HHIPL1: variants seen among roughly 807,000 people sequenced by gnomAD.
HHIPL1 encodes the protein HHIP like 1.
A neutral mutation model predicts 61.8 loss-of-function variants in HHIPL1; 43 were observed. The observed-to-expected ratio is 0.70, with a 90% CI of 0.55 to 0.90. The LOEUF (loss-of-function observed/expected upper bound fraction) is 0.90, where lower values mean the gene tolerates loss of function less well. Among genes scored for constraint, HHIPL1 ranks in the 40% least tolerant of loss-of-function variants. The pLI, the probability that HHIPL1 is intolerant of heterozygous loss-of-function variation, is 0.00. For missense variants in HHIPL1, 1,056 were observed against 1,157.7 expected, an observed-to-expected ratio of 0.91 and a Z score of 1.28; for synonymous variants, 482 against 515.8, an observed-to-expected ratio of 0.93 and a Z score of 0.89.
chr14:99,653,792 G>A (rs911479063), intron 2 of HHIPL1, among the ~76,000 whole-genome samples: 4 of 152,204 alleles, frequency 2.6e-5, no homozygotes, highest in African/African-American at 4.8e-5. Flanking sequence ...GACCTTGCAC[G>A]TGGGGCACAT....
At chr14:99,640,973 G>A (rs1451872611), upstream of HHIPL1, among the ~76,000 whole-genome samples, 2 of 131,130 alleles carry the variant, frequency 1.5e-5, no homozygotes, top group African/African-American at 5.8e-5. Flanking sequence ...TGCAAGCTCC[G>A]CCTCCCAGTT....
upstream of HHIPL1, among the ~76,000 whole-genome samples, chr14:99,643,449 A>G (rs1265658423): frequency 6.6e-6 from 1 of 151,974 alleles, no homozygotes; most frequent in Non-Finnish European, 1.5e-5. Flanking sequence ...TAGGGTGAGG[A>G]TTTATGTTAC....
At position 99,668,777 on chromosome 14, in the gene HHIPL1, G is replaced by A. The variant is rs2056289414; in HGVS notation, c.1730+474G>A. On this transcript the variant is annotated intron_variant, in intron 7 of 8. Transcript: ENST00000330710. This position sits in a 1 kb window ranked among gnomAD's most constrained non-coding sequence, Gnocchi z 4.7. ...CCTCCTGTGGTCCATCTTCCACTGG[G>A]GAAAACACATTGGGGCTCCCTTCGC... The A allele has an allele frequency of 4.4e-6, 7 of 1,604,194 alleles. No homozygotes were observed. The highest frequency in any genetic ancestry group is 5.9e-6 in the Non-Finnish European group (7 of 1,177,378).
rs146699172 is a variant in HHIPL1, at chr14:99,652,273, C to A, written c.305C>A (p.Thr102Lys). The change falls in exon 2 of 9, where the codon ACG (threonine) becomes AAG (lysine). Residue 102 changes from threonine to lysine, a missense_variant. Coordinates refer to ENST00000330710, the MANE Select transcript of HHIPL1 (RefSeq NM_001127258.3). ...CTCTATGACGCCGAGGACCCATTCA[C>A]GCCCCTGCGCACGGTGCCCGGGCTC... ...AHLYDAEDPF[T>K]PLRTVPGLCQ... The A allele has an allele frequency of 6.2e-7, 1 of 1,613,490 alleles. No individual in the cohort carries two copies. Among genetic ancestry groups the A allele is most frequent in the East Asian group, 2.2e-5 (1 of 44,878 alleles).
intron 3 of HHIPL1, among the ~76,000 whole-genome samples, chr14:99,657,886 CACATCCACAT>C (rs1331800673): frequency 6.6e-6 from 1 of 151,828 alleles, no homozygotes; most frequent in African/African-American, 2.4e-5. Flanking sequence ...CACATCCACA[CACATCCACAT>C]ACATCCACAT....
At chr14:99,618,396 G>A in the HHIPL1 span, among the ~76,000 whole-genome samples, 1 of 152,230 alleles carries the variant, frequency 6.6e-6, no homozygotes, top group Non-Finnish European at 1.5e-5. Context: ...TGGAGATACT[G>A]AGCCCCATTA....
chr14:99,675,657 C>T lies in HHIPL1; in HGVS notation c.*31C>T, dbSNP rs1464928812. 1.1e-5 allele frequency: 16 copies of T among 1,474,714 alleles called. No homozygotes were observed. Among genetic ancestry groups the T allele is most frequent in the South Asian group, 2.7e-5 (2 of 74,598 alleles). 91.4% of individuals were successfully genotyped at this position (1,474,714 alleles called of 1,614,324 possible). A position where few individuals can be genotyped will look rare whatever the true frequency, so the allele number is the denominator to read the frequency against. ...ACGCCGCTGCCCCAGGCCATCCCGC[C>T]GGCGGGGGAGCCTGGCAGGGGCCGC... On this transcript the variant is annotated 3_prime_UTR_variant, in exon 9 of 9. Coordinates refer to ENST00000330710, the MANE Select transcript of HHIPL1 (RefSeq NM_001127258.3). This position sits in a 1 kb window ranked among gnomAD's most constrained non-coding sequence, Gnocchi z 5.4.
chr14:99,665,721 A>T (rs2056233907), intron 6 of HHIPL1, among the ~76,000 whole-genome samples: 1 of 152,244 alleles, frequency 6.6e-6, no homozygotes, highest in African/African-American at 2.4e-5. Context: ...GGCATGAGCC[A>T]CCATATCTGA....
the HHIPL1 span, among the ~76,000 whole-genome samples, chr14:99,618,309 C>G: frequency 1.3e-5 from 2 of 152,168 alleles, no homozygotes; most frequent in African/African-American, 4.8e-5. Flanking sequence ...TGGGAAGTGG[C>G]CAGGCTGCCT....
In HHIPL1 at chr14:99,680,167, TCTC is replaced by T. The variant is rs2056426520; in HGVS notation, c.*4544_*4546del. Reference sequence around the variant, plus strand: ...GCCCATTCTCCCAGAGCCGGATCCTTCTCCTTCCCTGGGATACAGCACCTCCAC... The same window carrying T: ...GCCCATTCTCCCAGAGCCGGATCCTTCTTCCCTGGGATACAGCACCTCCAC... On this transcript the variant is annotated 3_prime_UTR_variant, in exon 9 of 9. Transcript: ENST00000330710. The T allele has an allele frequency of 6.6e-6, 1 of 152,166 alleles. No individual in the cohort carries two copies. The highest frequency in any genetic ancestry group is 1.5e-5 in the Non-Finnish European group (1 of 68,066). The allele number at this position is 152,166 out of a possible 1,614,324, so 9.4% of individuals were successfully genotyped here.
In HHIPL1 at chr14:99,652,886, A is replaced by T; in HGVS notation, c.902+16A>T. On this transcript the variant is annotated intron_variant, in intron 2 of 8. Coordinates refer to ENST00000330710, the MANE Select transcript of HHIPL1 (RefSeq NM_001127258.3). ...GCTCTGAGAGGTGGCTTCCTTGGGGAACCCGGGCCTGGGTGGGGGCAGGCA... is the reference window on the plus strand; with the variant it reads ...GCTCTGAGAGGTGGCTTCCTTGGGGTACCCGGGCCTGGGTGGGGGCAGGCA... The T allele has an allele frequency of 6.2e-7, 1 of 1,606,964 alleles. No homozygotes were observed. Among genetic ancestry groups the T allele is most frequent in the Non-Finnish European group, 8.5e-7 (1 of 1,175,888 alleles).
chr14:99,642,008 C>T (rs1285406751), upstream of HHIPL1, among the ~76,000 whole-genome samples: 1 of 150,490 alleles, frequency 6.6e-6, no homozygotes, highest in African/African-American at 2.5e-5. Flanking sequence ...GGTGTGATCT[C>T]GGCTCACTGC....
At chr14:99,637,943 C>T in the HHIPL1 span, among the ~76,000 whole-genome samples, 1 of 152,164 alleles carries the variant, frequency 6.6e-6, no homozygotes, top group Admixed American at 6.5e-5. Context: ...CATGACCAAC[C>T]CACATCGCCT....
chr14:99,654,201 A>AG (rs1251358184), intron 2 of HHIPL1, among the ~76,000 whole-genome samples: 7 of 151,580 alleles, frequency 4.6e-5, no homozygotes, highest in East Asian at 3.9e-4. Flanking sequence ...AAAAAAAAAA[A>AG]AAAAAAAGAA....
chr14:99,654,413 A>G lies in HHIPL1; in HGVS notation c.902+1543A>G, dbSNP rs113503905. On this transcript the variant is annotated intron_variant, in intron 2 of 8. Coordinates refer to ENST00000330710, the MANE Select transcript of HHIPL1 (RefSeq NM_001127258.3). ...GCCGAGAGAAGGAGCAGCTGTTGCC[A>G]AGAAGCTGCTTAAAGCAGAGAAGGG... Among the ~76,000 whole-genome samples the G allele has an allele frequency of 5.2e-3, 785 of 152,220 alleles. 10 individuals carry two copies. Among genetic ancestry groups the G allele is most frequent in the African/African-American group, 0.018 (756 of 41,540 alleles).
At chr14:99,612,166 G>A in the HHIPL1 span, among the ~76,000 whole-genome samples, 1 of 152,212 alleles carries the variant, frequency 6.6e-6, no homozygotes, top group Non-Finnish European at 1.5e-5. Context: ...AATCACGGTG[G>A]CAGGAGAGAG....
chr14:99,614,284 T>G, the HHIPL1 span, among the ~76,000 whole-genome samples: 3 of 152,134 alleles, frequency 2.0e-5, no homozygotes, highest in South Asian at 6.2e-4. Flanking sequence ...CCTGAGCGTC[T>G]GAAAACTGAA....
the HHIPL1 span, among the ~76,000 whole-genome samples, chr14:99,611,806 A>G: frequency 1.3e-5 from 2 of 151,696 alleles, no homozygotes; most frequent in African/African-American, 4.8e-5. Context: ...AACGCACATG[A>G]GTATGAACTT....
chr14:99,674,879 A>G (rs2056368121), intron 8 of HHIPL1, among the ~76,000 whole-genome samples: 1 of 152,150 alleles, frequency 6.6e-6, no homozygotes, highest in Non-Finnish European at 1.5e-5. Flanking sequence ...CCCTGAGTCC[A>G]GGCCGGCATC....
Sources: allele counts gnomAD v4.1 joint callset (sites outside exome capture counted in the v4.1 genomes callset), GRCh38; gene constraint gnomAD v4.1.1; non-coding constraint Gnocchi (gnomAD v3.1); transcripts MANE v1.5; gene names NCBI Gene and HGNC (gene_info 2026-07-23, HGNC 2026-07-21).